CMPK1: variants seen among roughly 807,000 people sequenced by gnomAD.
CMPK1 encodes the protein UMP-CMP kinase.
In CMPK1, 10 loss-of-function variants were observed where a neutral mutation model predicts 25.7. The observed-to-expected ratio is 0.39, with a 90% confidence interval of 0.24 to 0.66. The LOEUF is 0.66. Ranked by LOEUF, CMPK1 falls within the 30% of genes least tolerant of loss-of-function variation. CMPK1 has a pLI of 0.48. For missense variants in CMPK1, 199 were observed against 280.5 expected (o/e 0.71, Z 2.08); for synonymous variants, 106 against 101.5 (o/e 1.04, Z -0.27).
At chr1:47,368,709 C>A in intron 2 of CMPK1, 94 bp downstream of exon 2, 1 of 1,194,206 alleles carries the variant, frequency 8.4e-7, no homozygotes, top group East Asian at 2.8e-5. Flanking sequence ...CTTGTGATCC[C>A]AGCATTTTGG....
intron 1 of CMPK1, among the ~76,000 whole-genome samples, chr1:47,350,079 T>C (rs1490290234): frequency 6.6e-6 from 1 of 152,182 alleles, no homozygotes; most frequent in Non-Finnish European, 1.5e-5. Context: ...GTGCTGGGAT[T>C]ATAGGCATGA....
At chr1:47,334,281 G>C (rs1172025732) in intron 1 of CMPK1, among the ~76,000 whole-genome samples, 165 bp downstream of exon 1, 1 of 151,746 alleles carries the variant, frequency 6.6e-6, no homozygotes, top group East Asian at 1.9e-4. Context: ...GCCGGCGCGC[G>C]GCGTGCCGGG....
rs1313889558 is a variant in CMPK1 at position 47,376,687 on chromosome 1, A to G, written c.646-17A>G. On this transcript the variant is annotated splice_polypyrimidine_tract_variant and intron_variant, in intron 5 of 5. Coordinates refer to ENST00000371873, the MANE Select transcript of CMPK1 (RefSeq NM_016308.3). ...AGTACCTGCTTTTAAAATTATTATC[A>G]TCTTTTTCCTTTACAGGTTTTTGAT... The G allele has an allele frequency of 1.3e-6, 2 of 1,533,214 alleles. No individual in the cohort carries two copies. Among genetic ancestry groups the G allele is most frequent in the Non-Finnish European group, 1.8e-6 (2 of 1,110,940 alleles). The allele number at this position is 1,533,214 out of a possible 1,614,324, so 95.0% of individuals were successfully genotyped here. A position where few individuals can be genotyped will look rare whatever the true frequency, so the allele number is the denominator to read the frequency against.
chr1:47,359,576 A>G (rs747566548), intron 1 of CMPK1, among the ~76,000 whole-genome samples: 6 of 151,602 alleles, frequency 4.0e-5, no homozygotes, highest in Non-Finnish European at 7.4e-5. Flanking sequence ...TTTTGTAAAG[A>G]TGGGGTTTCA....
chr1:47,336,048 A>T (rs1356568333), intron 1 of CMPK1, among the ~76,000 whole-genome samples: 1 of 152,136 alleles, frequency 6.6e-6, no homozygotes, highest in Non-Finnish European at 1.5e-5. Context: ...GGCATGAGCC[A>T]CCGTGCCTGG....
At chr1:47,365,271 C>CTTTTTTTT (rs34324996) in intron 1 of CMPK1, among the ~76,000 whole-genome samples, 1 of 137,232 alleles carries the variant, frequency 7.3e-6, no homozygotes, top group Non-Finnish European at 1.5e-5. Flanking sequence ...CCCTGAAGAT[C>CTTTTTTTT]TTTTTTTTTT....
At chr1:47,373,772 G>A (rs1646691229) in intron 3 of CMPK1, among the ~76,000 whole-genome samples, 2 of 151,774 alleles carry the variant, frequency 1.3e-5, no homozygotes, top group Non-Finnish European at 1.5e-5. Context: ...CTCCAGCCTG[G>A]GCGACAGAGC....
chr1:47,364,978 C>T (rs1017882507), intron 1 of CMPK1, among the ~76,000 whole-genome samples: 1 of 152,040 alleles, frequency 6.6e-6, no homozygotes, highest in Non-Finnish European at 1.5e-5. Flanking sequence ...GCATGCTGGT[C>T]TTGAGCGTCT....
chr1:47,336,298 G>A (rs903047352), intron 1 of CMPK1, among the ~76,000 whole-genome samples: 10 of 152,120 alleles, frequency 6.6e-5, no homozygotes, highest in Non-Finnish European at 1.3e-4. Context: ...GCCATTTACT[G>A]TTTCTCTAGG....
intron 1 of CMPK1, among the ~76,000 whole-genome samples, chr1:47,358,016 C>T (rs1426507813): frequency 6.7e-6 from 1 of 148,856 alleles, no homozygotes; most frequent in Non-Finnish European, 1.5e-5. Context: ...AGTTAAGCCA[C>T]TGATTATTTT....
intron 1 of CMPK1, among the ~76,000 whole-genome samples, chr1:47,353,367 T>A (rs764490588): frequency 1.3e-5 from 2 of 152,254 alleles, no homozygotes; most frequent in East Asian, 1.9e-4. Flanking sequence ...TAACTCTTCA[T>A]GCCCATGCAG....
chr1:47,367,152 T>C (rs1190248825), intron 1 of CMPK1, among the ~76,000 whole-genome samples: 1 of 152,222 alleles, frequency 6.6e-6, no homozygotes, highest in African/African-American at 2.4e-5. Flanking sequence ...ATTACAAGCA[T>C]GATCTACCTT....
chr1:47,350,360 C>T (rs1646514440), intron 1 of CMPK1, among the ~76,000 whole-genome samples: 1 of 152,086 alleles, frequency 6.6e-6, no homozygotes, highest in African/African-American at 2.4e-5. Context: ...CCTCAGCCTA[C>T]AGGCACAAGC....
intron 3 of CMPK1, 56 bp from the exon 4 acceptor site, chr1:47,374,852 GT>G: frequency 1.5e-6 from 2 of 1,362,644 alleles, no homozygotes; most frequent in East Asian, 4.9e-5. Context: ...TTCTTTGCAG[GT>G]TAAAAGAATG....
At chr1:47,334,242 C>T in intron 1 of CMPK1, 126 bp downstream of exon 1, 1 of 940,390 alleles carries the variant, frequency 1.1e-6, no homozygotes, top group Non-Finnish European at 1.4e-6. Context: ...GCGGCCACCG[C>T]GCCGCCCGCG....
intron 2 of CMPK1, among the ~76,000 whole-genome samples, 154 bp from the exon 3 acceptor site, chr1:47,372,800 CT>C (rs375936386): frequency 2.4e-5 from 2 of 84,166 alleles, no homozygotes; most frequent in Non-Finnish European, 4.6e-5. Context: ...TTCTTTCTTT[CT>C]TTTTTTCTTT....
intron 1 of CMPK1, among the ~76,000 whole-genome samples, chr1:47,367,209 A>G (rs1449400859): frequency 1.3e-5 from 2 of 152,196 alleles, no homozygotes; most frequent in Non-Finnish European, 2.9e-5. Flanking sequence ...TATGACAGAG[A>G]GACATGGATG....
chr1:47,366,946 A>C (rs1646643201), intron 1 of CMPK1, among the ~76,000 whole-genome samples: 3 of 152,096 alleles, frequency 2.0e-5, no homozygotes, highest in Non-Finnish European at 2.9e-5. Context: ...GGCTGGTCTC[A>C]AACTCCTGAC....
At position 47,375,228 on chromosome 1, in the gene CMPK1, A is replaced by G. The variant is rs1646699971; in HGVS notation, c.580A>G (p.Ile194Val). 1.2e-6 allele frequency: 2 copies of G among 1,610,396 alleles called. No homozygotes were observed. The highest frequency in any genetic ancestry group is 1.7e-6 in the Non-Finnish European group (2 of 1,178,946). Reference protein sequence around the residue: ...IQTYLQSTKPIIDLYEEMGKV... With the variant: ...IQTYLQSTKPVIDLYEEMGKV... ...GACCTACCTTCAGTCAACAAAGCCA[A>G]TTATTGACTTATATGAAGAAATGGG... The change falls in exon 5 of 6, where the codon ATT becomes GTT. Residue 194 changes from isoleucine to valine, a missense_variant. By Grantham distance (29) the Ile-to-Val change is conservative. Coordinates refer to ENST00000371873, the MANE Select transcript of CMPK1 (RefSeq NM_016308.3).
Sources: gnomAD v4.1 joint callset for allele counts (sites outside exome capture counted in the v4.1 genomes callset) on GRCh38, gnomAD v4.1.1 for gene constraint, MANE v1.5 for transcripts, NCBI Gene and HGNC (gene_info 2026-07-23, HGNC 2026-07-21) for gene names.